RCOR1: variants seen among roughly 807,000 people sequenced by gnomAD.
The protein encoded by RCOR1 is REST corepressor.
In RCOR1, 12 loss-of-function variants were observed where a neutral mutation model predicts 64.0. That is an observed-to-expected ratio of 0.19 (90% confidence interval 0.12 to 0.30). The LOEUF (loss-of-function observed/expected upper bound fraction) is 0.30, where lower values mean the gene tolerates loss of function less well. RCOR1 is among the 10% of genes least tolerant of loss of function. RCOR1 has a pLI of 1.00. For missense variants in RCOR1, 502 were observed against 621.2 expected (o/e 0.81, Z 2.04); for synonymous variants, 279 against 227.2 (o/e 1.23, Z -2.05).
intron 3 of RCOR1, among the ~76,000 whole-genome samples, chr14:102,691,380 A>G (rs1895530234): frequency 6.6e-6 from 1 of 152,138 alleles, no homozygotes; most frequent in Admixed American, 6.6e-5. Context: ...GTTCATTTGT[A>G]CCCCAGACCT....
chr14:102,647,220 T>G (rs1894494763), intron 2 of RCOR1, among the ~76,000 whole-genome samples: 1 of 152,182 alleles, frequency 6.6e-6, no homozygotes, highest in African/African-American at 2.4e-5. Flanking sequence ...TGGAAGCAAG[T>G]CAAGTTACAG....
intron 2 of RCOR1, among the ~76,000 whole-genome samples, chr14:102,631,711 G>GT (rs1339464236): frequency 1.3e-5 from 2 of 152,150 alleles, no homozygotes; most frequent in Admixed American, 1.3e-4. Flanking sequence ...ACTGCATTGA[G>GT]TATGCATGTG....
At chr14:102,721,422 G>T in intron 10 of RCOR1, 45 bp downstream of exon 10, 1 of 1,428,514 alleles carries the variant, frequency 7.0e-7, no homozygotes, top group African/African-American at 1.4e-5. Flanking sequence ...CGGCTGTGGT[G>T]GCTCACACCT....
rs1326161754 is a variant in RCOR1 at position 102,729,607 on chromosome 14, C to T, written c.*3101C>T. ...AAGGTAGTTAGTTGGGTTGTAACAGCTTACTGGGGTGGACTCATAAAACAG... is the reference window on the plus strand; with the variant it reads ...AAGGTAGTTAGTTGGGTTGTAACAGTTTACTGGGGTGGACTCATAAAACAG... On this transcript the variant is annotated 3_prime_UTR_variant, in exon 12 of 12. Transcript: ENST00000262241. 1.1e-5 allele frequency: 4 copies of T among 369,898 alleles called. No homozygotes were observed. The highest frequency in any genetic ancestry group is 1.9e-5 in the Non-Finnish European group (4 of 208,204). The allele number at this position is 369,898 out of a possible 1,614,324, so 22.9% of individuals were successfully genotyped here.
At chr14:102,695,720 T>TC (rs1272930705) in intron 3 of RCOR1, among the ~76,000 whole-genome samples, 1 of 151,576 alleles carries the variant, frequency 6.6e-6, no homozygotes, top group Non-Finnish European at 1.5e-5. Flanking sequence ...TATTTTTTTT[T>TC]TTTTTTTTTT....
Position 102,689,755 on chromosome 14 carries a change from T to C in RCOR1, c.445+7777T>C, listed in dbSNP as rs930535661. Among the ~76,000 whole-genome samples the C allele has an allele frequency of 4.6e-5, 7 of 152,152 alleles. No homozygotes were observed. The South Asian group carries it at 1.4e-3, about 31-fold the overall frequency. On this transcript the variant is annotated intron_variant, in intron 3 of 11. Coordinates refer to ENST00000262241, the MANE Select transcript of RCOR1 (RefSeq NM_015156.4). ...GCTGTGCCAAAAACAAGCTGGCTGA[T>C]TTTTTTGAGACAGAGTCTCGCACTG...
At position 102,621,367 on chromosome 14, in the gene RCOR1, C is replaced by CTTTTTTTT. The variant is rs35481023; in HGVS notation, c.361+28061_361+28068dup. Among the ~76,000 whole-genome samples the CTTTTTTTT allele has an allele frequency of 2.8e-4, 22 of 78,514 alleles. 1 individual carries two copies. The highest frequency in any genetic ancestry group is 1.1e-3 in the African/African-American group (22 of 19,662). The allele number at this position is 78,514 out of a possible 152,430, so 51.5% of individuals were successfully genotyped here. A position where few individuals can be genotyped will look rare whatever the true frequency, so the allele number is the denominator to read the frequency against. Reference sequence around the variant, plus strand: ...AACTGTCTTGCACACCAGTCTTTGTCTTTTTTTTTTTTTTTTTTTTTTTTT... The same window carrying CTTTTTTTT: ...AACTGTCTTGCACACCAGTCTTTGTCTTTTTTTTTTTTTTTTTTTTTTTTTTTTTTTTT... On this transcript the variant is annotated intron_variant, in intron 2 of 11. Coordinates refer to ENST00000262241, the MANE Select transcript of RCOR1 (RefSeq NM_015156.4).
At chr14:102,637,793 G>A (rs1311290431) in intron 2 of RCOR1, among the ~76,000 whole-genome samples, 1 of 152,150 alleles carries the variant, frequency 6.6e-6, no homozygotes, top group Non-Finnish European at 1.5e-5. Context: ...TTTCGGTGAT[G>A]TCAGTAATTT....
chr14:102,721,196 C>T (rs1164463653), intron 9 of RCOR1, 112 bp downstream of exon 9: 3 of 1,090,660 alleles, frequency 2.8e-6, no homozygotes, highest in South Asian at 1.4e-5. Flanking sequence ...AGTATATGGA[C>T]ATAATTTTAT....
intron 2 of RCOR1, among the ~76,000 whole-genome samples, chr14:102,639,416 C>G (rs1894314098): frequency 6.6e-6 from 1 of 151,400 alleles, no homozygotes; most frequent in African/African-American, 2.4e-5. Context: ...TCCTCCCCTT[C>G]CCTTCCCCAG....
chr14:102,641,888 T>A (rs1894377160), intron 2 of RCOR1, among the ~76,000 whole-genome samples: 1 of 152,192 alleles, frequency 6.6e-6, no homozygotes, highest in Non-Finnish European at 1.5e-5. Flanking sequence ...CAAAGATGAT[T>A]GTTGTATCTT....
At chr14:102,685,177 G>C (rs912409182) in intron 3 of RCOR1, among the ~76,000 whole-genome samples, 25 of 151,770 alleles carry the variant, frequency 1.6e-4, no homozygotes, top group African/African-American at 6.0e-4. Context: ...AAAAATAAAT[G>C]CTATTTTAGA....
At chr14:102,661,194 A>G (rs1394605977) in intron 2 of RCOR1, among the ~76,000 whole-genome samples, 1 of 152,140 alleles carries the variant, frequency 6.6e-6, no homozygotes, top group Non-Finnish European at 1.5e-5. Context: ...TAAAAATACA[A>G]AAAATTAGCT....
In RCOR1 at chr14:102,722,332, T is replaced by G. The variant is rs766272177; in HGVS notation, c.1335T>G (p.Gly445=). Residue 445 remains glycine, a synonymous_variant, in exon 11 of 12, where the codon GGT becomes GGG. Coordinates refer to ENST00000262241, the MANE Select transcript of RCOR1 (RefSeq NM_015156.4). ...EVLQEWEAEH[G]KEETNGPSNQ... is the part of the protein sequence containing the mutation. ...TACAAGAATGGGAGGCAGAACATGG[T>G]AAAGAAGAGACCAATGGGCCCAGTA... The G allele has an allele frequency of 1.2e-6, 2 of 1,614,086 alleles. No individual in the cohort carries two copies. Among genetic ancestry groups the G allele is most frequent in the African/African-American group, 1.3e-5 (1 of 75,002 alleles).
chr14:102,646,426 A>G (rs1037595850), intron 2 of RCOR1, among the ~76,000 whole-genome samples: 2 of 152,238 alleles, frequency 1.3e-5, no homozygotes, highest in African/African-American at 2.4e-5. Context: ...ATTTGAAAAA[A>G]CAAAAAAGCT....
intron 2 of RCOR1, among the ~76,000 whole-genome samples, chr14:102,596,124 G>A (rs547327191): frequency 6.7e-6 from 1 of 150,156 alleles, no homozygotes. Context: ...TTTTTAATAC[G>A]GAGTTTCACT....
rs1595184568 is a variant in RCOR1 at position 102,593,159 on chromosome 14, C to T, written c.273C>T (p.Ser91=). 10 of 1,526,484 alleles carry T rather than the reference C, an allele frequency of 6.6e-6. No homozygotes were observed. Among genetic ancestry groups the T allele is most frequent in the Non-Finnish European group, 8.8e-6 (10 of 1,142,782 alleles). 94.6% of individuals were successfully genotyped at this position (1,526,484 alleles called of 1,614,324 possible). A position where few individuals can be genotyped will look rare whatever the true frequency, so the allele number is the denominator to read the frequency against. ...NSSSNSWEEG[S]SGSSSDEEHG... ...GCAGCAACTCCTGGGAGGAAGGCAGCTCGGGCTCGTCCAGCGACGAGGAGC... is the reference window on the plus strand; with the variant it reads ...GCAGCAACTCCTGGGAGGAAGGCAGTTCGGGCTCGTCCAGCGACGAGGAGC... The change falls in exon 1 of 12, where the codon AGC becomes AGT. Residue 91 remains serine (S), a synonymous_variant. Coordinates refer to ENST00000262241, the MANE Select transcript of RCOR1 (RefSeq NM_015156.4).
intron 3 of RCOR1, among the ~76,000 whole-genome samples, chr14:102,698,791 G>T (rs1441380006): frequency 6.6e-6 from 1 of 152,112 alleles, no homozygotes; most frequent in African/African-American, 2.4e-5. Flanking sequence ...GTTCTGGCCA[G>T]GTATACAGAA....
rs138015747 is a variant in RCOR1 at position 102,602,561 on chromosome 14, G to A, written c.361+9236G>A. Among the ~76,000 whole-genome samples the A allele has an allele frequency of 7.4e-3, 1,131 of 151,894 alleles. 10 individuals carry two copies. Among genetic ancestry groups the A allele is most frequent in the African/African-American group, 0.026 (1,083 of 41,428 alleles). ...TAGGATTACAGGCATGTGCTACCAC[G>A]CCTGGCTAATTTTAAAAAATATTTT... On this transcript the variant is annotated intron_variant, in intron 2 of 11. Coordinates refer to ENST00000262241, the MANE Select transcript of RCOR1 (RefSeq NM_015156.4).
Sources: gnomAD v4.1 joint callset for allele counts (sites outside exome capture counted in the v4.1 genomes callset) on GRCh38, gnomAD v4.1.1 for gene constraint, MANE v1.5 for transcripts, NCBI Gene and HGNC (gene_info 2026-07-23, HGNC 2026-07-21) for gene names.